The following FUBP3 variants were observed in gnomAD, a reference collection of about 807,000 sequenced individuals.
FUBP3 encodes the protein far upstream element-binding protein 3.
A neutral mutation model predicts 85.6 loss-of-function variants in FUBP3; 28 were observed. The ratio of observed to expected loss-of-function variants is 0.33; its 90% CI spans 0.24 to 0.45. The LOEUF (loss-of-function observed/expected upper bound fraction) is 0.45. Ranked by LOEUF, FUBP3 falls within the 20% of genes least tolerant of loss-of-function variation. The pLI is 1.00. For missense variants in FUBP3, 583 were observed against 755.1 expected, an observed-to-expected ratio of 0.77 and a Z score of 2.67; for synonymous variants, 271 against 271.4, an observed-to-expected ratio of 1.00 and a Z score of 0.01.
chr9:130,635,420 C>T lies in FUBP3; in HGVS notation c.1583-579C>T, dbSNP rs1830379575. The stretch of plus-strand genomic sequence containing the variant: ...CCTTGTGTTTGGAGGATGTTTCTTG[C>T]TGGTTGGAAGAGATCGGGTTGAAGG... On this transcript the variant is annotated intron_variant, in intron 17 of 18. Transcript: ENST00000319725. This position sits in a 1 kb window ranked among gnomAD's most constrained non-coding sequence, Gnocchi z 4.3. Among the ~76,000 whole-genome samples, 1 of 152,172 alleles carries T rather than the reference C, an allele frequency of 6.6e-6. No individual in the cohort carries two copies. The highest frequency in any genetic ancestry group is 1.5e-5 in the Non-Finnish European group (1 of 68,020).
chr9:130,624,645 GTGTGTGTT>G (rs1324749598), intron 11 of FUBP3, among the ~76,000 whole-genome samples: 17 of 149,968 alleles, frequency 1.1e-4, no homozygotes, highest in African/African-American at 4.0e-4. Flanking sequence ...GTGTGTGTGT[GTGTGTGTT>G]TTTAAGCTCA....
intron 18 of FUBP3, 97 bp from the exon 19 acceptor site, chr9:130,636,917 G>C: frequency 9.9e-7 from 1 of 1,013,762 alleles, no homozygotes; most frequent in Admixed American, 1.7e-5. Context: ...GTTTTGTCTG[G>C]CCCAGCTCCC....
Position 130,637,324 on chromosome 9 carries a change from A to G in FUBP3, c.*302A>G. 2.7e-6 allele frequency: 1 copy of G among 376,648 alleles called. No homozygotes were observed. Among genetic ancestry groups the G allele is most frequent in the South Asian group, 4.1e-5 (1 of 24,424 alleles). 23.3% of individuals were successfully genotyped at this position (376,648 alleles called of 1,614,324 possible). On this transcript the variant is annotated 3_prime_UTR_variant, in exon 19 of 19. Coordinates refer to ENST00000319725, the MANE Select transcript of FUBP3 (RefSeq NM_003934.2). ...CTCAGAGCTGTGACATTTCAACATG[A>G]TGGTTTTGGTTTGGTTTGGTTTTGT...
At chr9:130,596,117 A>G (rs1005639975) in intron 2 of FUBP3, among the ~76,000 whole-genome samples, 38 of 152,260 alleles carry the variant, frequency 2.5e-4, no homozygotes, top group African/African-American at 8.4e-4. Flanking sequence ...GCTGGTTTAT[A>G]TACCCTACTC....
At chr9:130,632,796 A>C (rs148987768) in intron 16 of FUBP3, among the ~76,000 whole-genome samples, 598 of 152,342 alleles carry the variant, frequency 3.9e-3, no homozygotes, top group Non-Finnish European at 5.8e-3. Flanking sequence ...GTGAAGGAGA[A>C]AGTCCTGGTG....
Position 130,623,671 on chromosome 9 carries a change from A to T in FUBP3, c.935A>T (p.His312Leu). ...QVMGPPDRCQ[H>L]AAHIISELIL... ...ATGGGCCCTCCGGATCGGTGTCAGCATGCAGCGCATATCATCAGCGAGCTG... is the reference window on the plus strand; with the variant it reads ...ATGGGCCCTCCGGATCGGTGTCAGCTTGCAGCGCATATCATCAGCGAGCTG... The change falls in exon 11 of 19, where the codon CAT (histidine) becomes CTT (leucine). Residue 312 changes from histidine to leucine, a missense_variant. This residue lies in a region of FUBP3 where 404 missense variants were observed against 516.8 expected (regional missense o/e 0.78). Coordinates refer to ENST00000319725, the MANE Select transcript of FUBP3 (RefSeq NM_003934.2). 1 of 1,613,984 alleles carries T rather than the reference A, an allele frequency of 6.2e-7. No individual in the cohort carries two copies. The highest frequency in any genetic ancestry group is 8.5e-7 in the Non-Finnish European group (1 of 1,179,886).
intron 12 of FUBP3, among the ~76,000 whole-genome samples, chr9:130,629,469 AC>A (rs760082469): frequency 2.0e-5 from 3 of 152,174 alleles, no homozygotes; most frequent in Non-Finnish European, 2.9e-5. Flanking sequence ...TTCAGGAAGG[AC>A]CACCTGCCTT....
intron 1 of FUBP3, among the ~76,000 whole-genome samples, chr9:130,591,232 C>T (rs367698167): frequency 6.6e-6 from 1 of 152,016 alleles, no homozygotes; most frequent in East Asian, 1.9e-4. Flanking sequence ...ATCACGAGGG[C>T]AGGAGTTTGA....
At position 130,630,701 on chromosome 9, in the gene FUBP3, C is replaced by G. The variant is rs765736028; in HGVS notation, c.1191C>G (p.Asn397Lys). 1.9e-6 allele frequency: 3 copies of G among 1,596,710 alleles called. No individual in the cohort carries two copies. In the South Asian group the frequency reaches 3.4e-5, roughly 18 times the overall value. The change falls in exon 13 of 19, where the codon AAC (asparagine) becomes AAG (lysine). Residue 397 changes from asparagine to lysine, a missense_variant. By Grantham distance (94) the Asn-to-Lys change is moderately conservative (BLOSUM62 0). Around this residue, in one of 3 missense-constraint regions of FUBP3, gnomAD observed 404 missense variants for 516.8 expected, o/e 0.78. Coordinates refer to ENST00000319725, the MANE Select transcript of FUBP3 (RefSeq NM_003934.2). ...HVELQRNPPP[N>K]SDPNLRRFTI... Reference sequence around the variant, plus strand: ...AGCTTCAGAGGAACCCCCCTCCCAACAGCGACCCCAACCTGCGGAGATTCA... The same window carrying G: ...AGCTTCAGAGGAACCCCCCTCCCAAGAGCGACCCCAACCTGCGGAGATTCA...
chr9:130,599,407 T>G (rs1831039580), intron 2 of FUBP3, among the ~76,000 whole-genome samples: 1 of 151,982 alleles, frequency 6.6e-6, no homozygotes, highest in Non-Finnish European at 1.5e-5. Flanking sequence ...ATGTAAAGTT[T>G]TTTTTAATAT....
At chr9:130,617,343 T>TC (rs1832059986) in intron 7 of FUBP3, among the ~76,000 whole-genome samples, 1 of 152,200 alleles carries the variant, frequency 6.6e-6, no homozygotes, top group Non-Finnish European at 1.5e-5. Context: ...AAGGATGGTA[T>TC]CCTAATGTAG....
chr9:130,606,618 C>T lies in FUBP3; in HGVS notation c.191-3336C>T, dbSNP rs553494939. Among the ~76,000 whole-genome samples the T allele has an allele frequency of 3.3e-5, 5 of 152,072 alleles. 1 individual carries two copies. The highest frequency in any genetic ancestry group is 7.2e-5 in the African/African-American group (3 of 41,426). ...GGCGGATCACCTGAGGTCGGGAGTTCGAGACCAGCCTGACCAACATGGAGA... is the reference window on the plus strand; with the variant it reads ...GGCGGATCACCTGAGGTCGGGAGTTTGAGACCAGCCTGACCAACATGGAGA... On this transcript the variant is annotated intron_variant, in intron 2 of 18. Coordinates refer to ENST00000319725, the MANE Select transcript of FUBP3 (RefSeq NM_003934.2).
intron 9 of FUBP3, among the ~76,000 whole-genome samples, chr9:130,621,894 G>T (rs1829763580): frequency 6.7e-6 from 1 of 150,290 alleles, no homozygotes; most frequent in African/African-American, 2.5e-5. Context: ...GACAGAGCAA[G>T]ACTCTGTCTC....
chr9:130,603,076 G>A (rs578088074), intron 2 of FUBP3, among the ~76,000 whole-genome samples: 1 of 152,282 alleles, frequency 6.6e-6, no homozygotes, highest in African/African-American at 2.4e-5. Flanking sequence ...GCTGGGCATG[G>A]TAGCTCACGC....
chr9:130,602,259 C>T (rs1281984017), intron 2 of FUBP3, among the ~76,000 whole-genome samples: 2 of 152,152 alleles, frequency 1.3e-5, no homozygotes, highest in Non-Finnish European at 2.9e-5. Context: ...ACATATCCCT[C>T]ATGGATGAGG....
intron 8 of FUBP3, among the ~76,000 whole-genome samples, chr9:130,618,599 TTGTC>T (rs898035647): frequency 6.6e-6 from 1 of 152,226 alleles, no homozygotes; most frequent in African/African-American, 2.4e-5. Context: ...TGTAGGGTTT[TTGTC>T]TGTCCTCAGT....
At chr9:130,608,829 C>T (rs1037271161) in intron 2 of FUBP3, among the ~76,000 whole-genome samples, 2 of 152,122 alleles carry the variant, frequency 1.3e-5, no homozygotes, top group African/African-American at 4.8e-5. Context: ...TCACGGTCTG[C>T]TTTTTTTCCT....
intron 1 of FUBP3, chr9:130,582,061 C>T (rs1830152130): frequency 6.6e-6 from 1 of 152,196 alleles, no homozygotes; most frequent in Non-Finnish European, 1.5e-5. Context: ...CTGAAGATGT[C>T]AAATAAAATG....
chr9:130,628,407 G>GC (rs1463415187), intron 12 of FUBP3, among the ~76,000 whole-genome samples: 3 of 152,202 alleles, frequency 2.0e-5, no homozygotes, highest in Non-Finnish European at 4.4e-5. Context: ...GGGCACTTCT[G>GC]CCCCCCATCA....
Sources: gnomAD v4.1 joint callset for allele counts (sites outside exome capture counted in the v4.1 genomes callset) on GRCh38, gnomAD v4.1.1 for gene constraint, gnomAD v4.1.1 regional missense constraint, Gnocchi (gnomAD v3.1) non-coding constraint, MANE v1.5 for transcripts, NCBI Gene and HGNC (gene_info 2026-07-23, HGNC 2026-07-21) for gene names.